Variants in LSAMP observed in about 807,000 individuals in gnomAD.
LSAMP encodes limbic system-associated membrane protein.
Under a neutral mutation model 38.6 loss-of-function variants are expected in LSAMP, and 7 were observed. That is an observed-to-expected ratio of 0.18 (90% confidence interval 0.10 to 0.34). LSAMP has a LOEUF of 0.34. Ranked by LOEUF, LSAMP falls within the 10% of genes least tolerant of loss-of-function variation. The pLI is 1.00. For missense variants in LSAMP, 313 were observed against 420.0 expected (o/e 0.75, Z 2.23); for synonymous variants, 154 against 166.8 (o/e 0.92, Z 0.59).
intron 3 of LSAMP, among the ~76,000 whole-genome samples, chr3:115,983,068 C>A (rs1939410994): frequency 6.6e-6 from 1 of 151,844 alleles, no homozygotes; most frequent in South Asian, 2.1e-4. Context: ...GCTGCCCCTG[C>A]CAATACCAAA....
intron 1 of LSAMP, among the ~76,000 whole-genome samples, chr3:116,249,282 A>C (rs2046647104): frequency 6.6e-6 from 1 of 152,094 alleles, no homozygotes; most frequent in African/African-American, 2.4e-5. Flanking sequence ...TGAACTCTTT[A>C]TCTGATATTT....
intron 1 of LSAMP, among the ~76,000 whole-genome samples, chr3:116,288,102 G>A (rs2047216623): frequency 6.6e-6 from 1 of 152,180 alleles, no homozygotes; most frequent in Non-Finnish European, 1.5e-5. Context: ...AGTGAAGGAG[G>A]TAGAGCCTAT....
chr3:116,065,451 T>G (rs930272470), intron 2 of LSAMP, among the ~76,000 whole-genome samples: 4 of 152,222 alleles, frequency 2.6e-5, no homozygotes, highest in African/African-American at 9.6e-5. Flanking sequence ...CTCAAAATGC[T>G]TTTCCAGTGA....
intron 3 of LSAMP, among the ~76,000 whole-genome samples, chr3:115,940,677 A>G (rs949187553): frequency 6.6e-6 from 1 of 152,086 alleles, no homozygotes; most frequent in African/African-American, 2.4e-5. Context: ...TCTTTTCCCC[A>G]GTGTATTCTT....
chr3:116,235,131 T>G (rs1010438873), intron 1 of LSAMP, among the ~76,000 whole-genome samples: 1 of 144,574 alleles, frequency 6.9e-6, no homozygotes, highest in Non-Finnish European at 1.5e-5. Flanking sequence ...GTTTTCCTGC[T>G]AAAGTGTGTT....
intron 1 of LSAMP, among the ~76,000 whole-genome samples, chr3:116,339,282 ATT>A (rs35664180): frequency 2.8e-5 from 4 of 144,592 alleles, no homozygotes; most frequent in East Asian, 2.0e-4. Context: ...CCTTATATAG[ATT>A]TTTTTTTTTT....
At chr3:116,069,072 T>C (rs1034537169) in intron 2 of LSAMP, among the ~76,000 whole-genome samples, 4 of 152,210 alleles carry the variant, frequency 2.6e-5, no homozygotes, top group Non-Finnish European at 5.9e-5. Context: ...CTCCTCTGCA[T>C]AAAACCTTCA....
chr3:115,976,701 G>T (rs1230564630), intron 3 of LSAMP, among the ~76,000 whole-genome samples: 1 of 152,004 alleles, frequency 6.6e-6, no homozygotes, highest in Non-Finnish European at 1.5e-5. Flanking sequence ...TCATGGGGGC[G>T]GATTATCCCC....
chr3:116,204,607 T>G (rs375488123), intron 1 of LSAMP, among the ~76,000 whole-genome samples: 36 of 152,084 alleles, frequency 2.4e-4, no homozygotes, highest in East Asian at 7.8e-4. Context: ...TCCAGTTTCA[T>G]CTTTCTCCAT....
At chr3:116,092,851 T>C (rs1211483547) in intron 1 of LSAMP, among the ~76,000 whole-genome samples, 1 of 152,228 alleles carries the variant, frequency 6.6e-6, no homozygotes, top group African/African-American at 2.4e-5. Flanking sequence ...AATTGATACA[T>C]ATCTACCAAA....
intron 2 of LSAMP, among the ~76,000 whole-genome samples, chr3:116,047,243 G>A (rs1941308050): frequency 6.6e-6 from 1 of 151,956 alleles, no homozygotes. Flanking sequence ...CAAATAAGCT[G>A]AAGAAAGAAA....
intron 1 of LSAMP, among the ~76,000 whole-genome samples, chr3:116,180,503 A>T (rs1559772544): frequency 6.6e-6 from 1 of 152,136 alleles, no homozygotes; most frequent in African/African-American, 2.4e-5. Context: ...AGTGAAGAAC[A>T]TAGGTGGTGT....
chr3:115,846,765 A>G (rs1576141737), intron 4 of LSAMP, among the ~76,000 whole-genome samples: 1 of 152,298 alleles, frequency 6.6e-6, no homozygotes, highest in Non-Finnish European at 1.5e-5. Context: ...AGGAAAAAAT[A>G]CCATTCAGGG....
chr3:116,262,392 G>A (rs1366525902), intron 1 of LSAMP, among the ~76,000 whole-genome samples: 1 of 152,144 alleles, frequency 6.6e-6, no homozygotes, highest in Non-Finnish European at 1.5e-5. Flanking sequence ...TAGGTATTAT[G>A]GGATATGTGA....
chr3:116,171,223 A>G (rs1710190492), intron 1 of LSAMP, among the ~76,000 whole-genome samples: 1 of 152,192 alleles, frequency 6.6e-6, no homozygotes, highest in African/African-American at 2.4e-5. Flanking sequence ...GCTGGCACAT[A>G]GAAAATGTTT....
intron 1 of LSAMP, among the ~76,000 whole-genome samples, chr3:116,242,491 G>T (rs1034947930): frequency 6.6e-6 from 1 of 152,104 alleles, no homozygotes; most frequent in Admixed American, 6.5e-5. Flanking sequence ...GGGCATGTTT[G>T]GTGTCAGCTT....
chr3:115,953,787 G>GT (rs1938369649), intron 3 of LSAMP, among the ~76,000 whole-genome samples: 1 of 152,204 alleles, frequency 6.6e-6, no homozygotes, highest in South Asian at 2.1e-4. Flanking sequence ...CTCTCACTGT[G>GT]CTGTAACCAC....
chr3:115,932,257 T>C (rs1937591838), intron 3 of LSAMP, among the ~76,000 whole-genome samples: 1 of 152,148 alleles, frequency 6.6e-6, no homozygotes, highest in Non-Finnish European at 1.5e-5. Flanking sequence ...CTCCAAATCA[T>C]TAAGAAAATG....
chr3:116,164,560 G>T (rs1487935881), intron 1 of LSAMP, among the ~76,000 whole-genome samples: 5 of 100,912 alleles, frequency 5.0e-5, no homozygotes, highest in Non-Finnish European at 7.9e-5. Context: ...TCAACATGGG[G>T]TCACTAATCC....
Sources: allele counts gnomAD v4.1 joint callset (sites outside exome capture counted in the v4.1 genomes callset), GRCh38; gene constraint gnomAD v4.1.1; transcripts MANE v1.5; gene names NCBI Gene and HGNC (gene_info 2026-07-23, HGNC 2026-07-21).